LYPLAL1: variants seen among roughly 807,000 people sequenced by gnomAD.
LYPLAL1 encodes the protein lysophospholipase-like protein 1.
In LYPLAL1, 23 loss-of-function variants were observed where a neutral mutation model predicts 19.7. The observed-to-expected ratio is 1.17, with a 90% CI of 0.84 to 1.65. The LOEUF is 1.65. Among genes scored for constraint, LYPLAL1 ranks in the 40% most tolerant of loss-of-function variants. The probability of loss-of-function intolerance (pLI) is 0.00; values close to 1 mark genes in which losing one functional copy is unlikely to be tolerated. For synonymous variants in LYPLAL1, 119 were observed against 96.3 expected, an observed-to-expected ratio of 1.24 and a Z score of -1.38; for missense variants, 355 against 279.4, an observed-to-expected ratio of 1.27 and a Z score of -1.93.
the LYPLAL1 span, among the ~76,000 whole-genome samples, chr1:219,394,049 C>T: frequency 1.3e-5 from 2 of 151,688 alleles, no homozygotes. Flanking sequence ...CTACATTTCT[C>T]ATGAAAATTT....
chr1:219,229,351 C>G, the LYPLAL1 span, among the ~76,000 whole-genome samples: 2 of 146,934 alleles, frequency 1.4e-5, no homozygotes, highest in African/African-American at 5.2e-5. Flanking sequence ...CGCAGGCTAC[C>G]GAACAGCAGA....
At chr1:219,194,908 G>A (rs77812266) in intron 3 of LYPLAL1, among the ~76,000 whole-genome samples, 68 of 152,144 alleles carry the variant, frequency 4.5e-4, no homozygotes, top group African/African-American at 1.6e-3. Flanking sequence ...AATGCTTTTT[G>A]TTTTTGTCTG....
the LYPLAL1 span, among the ~76,000 whole-genome samples, chr1:219,252,582 A>T: frequency 6.6e-6 from 1 of 152,140 alleles, no homozygotes; most frequent in African/African-American, 2.4e-5. Context: ...GTGATGAATC[A>T]CATTTATTGA....
At chr1:219,390,145 C>G in the LYPLAL1 span, among the ~76,000 whole-genome samples, 2 of 152,140 alleles carry the variant, frequency 1.3e-5, no homozygotes, top group Non-Finnish European at 2.9e-5. Context: ...AAAATACTGA[C>G]TACACTGTGT....
the LYPLAL1 span, among the ~76,000 whole-genome samples, chr1:219,282,027 G>A: frequency 6.6e-6 from 1 of 152,088 alleles, no homozygotes; most frequent in Admixed American, 6.6e-5. Context: ...CATGAGCATG[G>A]AGACCAAACC....
the LYPLAL1 span, among the ~76,000 whole-genome samples, chr1:219,365,750 C>T: frequency 6.6e-6 from 1 of 152,130 alleles, no homozygotes; most frequent in Non-Finnish European, 1.5e-5. Flanking sequence ...ATATGGGAAT[C>T]GGGTCCAACA....
the LYPLAL1 span, among the ~76,000 whole-genome samples, chr1:219,421,529 C>T: frequency 6.6e-6 from 1 of 152,156 alleles, no homozygotes; most frequent in Non-Finnish European, 1.5e-5. Flanking sequence ...TGAAAGTGAG[C>T]AATGCTTATG....
At chr1:219,405,932 A>G in the LYPLAL1 span, among the ~76,000 whole-genome samples, 3 of 152,316 alleles carry the variant, frequency 2.0e-5, no homozygotes, top group South Asian at 2.1e-4. Flanking sequence ...GGTGTTTGGT[A>G]TACTGGGTTG....
the LYPLAL1 span, among the ~76,000 whole-genome samples, chr1:219,274,113 G>C: frequency 6.6e-6 from 1 of 152,204 alleles, no homozygotes; most frequent in Non-Finnish European, 1.5e-5. Context: ...GGAATGAAGA[G>C]AAACTTGCGT....
At chr1:219,369,905 G>A in the LYPLAL1 span, among the ~76,000 whole-genome samples, 13 of 152,334 alleles carry the variant, frequency 8.5e-5, no homozygotes, top group East Asian at 2.5e-3. Context: ...ATAATGCTGT[G>A]CAAACTTCTC....
chr1:219,250,138 TAA>T, the LYPLAL1 span, among the ~76,000 whole-genome samples: 1 of 152,052 alleles, frequency 6.6e-6, no homozygotes, highest in African/African-American at 2.4e-5. Context: ...CTTCTGTGTT[TAA>T]AAGCTTAAGT....
At chr1:219,365,827 T>C in the LYPLAL1 span, among the ~76,000 whole-genome samples, 1 of 152,172 alleles carries the variant, frequency 6.6e-6, no homozygotes, top group Admixed American at 6.6e-5. Flanking sequence ...CTGTTAGCTT[T>C]GTCTTTATGG....
the LYPLAL1 span, among the ~76,000 whole-genome samples, chr1:219,252,393 T>C: frequency 6.6e-6 from 1 of 152,116 alleles, no homozygotes; most frequent in Non-Finnish European, 1.5e-5. Flanking sequence ...CTTTTGCCCA[T>C]TCAGTATAAT....
chr1:219,179,166 A>G lies in LYPLAL1; in HGVS notation c.111A>G (p.Leu37=), dbSNP rs1214843027. Residue 37 remains leucine, a synonymous_variant, in exon 2 of 5, where the codon TTA becomes TTG. Coordinates refer to ENST00000366928, the MANE Select transcript of LYPLAL1 (RefSeq NM_138794.5). The stretch of plus-strand genomic sequence containing the variant: ...CATCAGGTGATTCTGGACAAGGATT[A>G]AGAATGTGGATCAAGCAGGTTTTAA... ...LHGSGDSGQG[L]RMWIKQVLNQ... 1 of 1,611,434 alleles carries G rather than the reference A, an allele frequency of 6.2e-7. No individual in the cohort carries two copies. Among genetic ancestry groups the G allele is most frequent in the Non-Finnish European group, 8.5e-7 (1 of 1,178,842 alleles).
the LYPLAL1 span, among the ~76,000 whole-genome samples, chr1:219,402,345 G>T: frequency 1.3e-5 from 2 of 152,004 alleles, no homozygotes; most frequent in Non-Finnish European, 2.9e-5. Context: ...AAAGTAAATT[G>T]CCCACCATTT....
At chr1:219,208,060 A>C (rs1246166885) in intron 3 of LYPLAL1, among the ~76,000 whole-genome samples, 1 of 152,024 alleles carries the variant, frequency 6.6e-6, no homozygotes, top group African/African-American at 2.4e-5. Flanking sequence ...TTTGATTTTA[A>C]GCAACCTGAA....
chr1:219,213,587 CT>C (rs1659183025), downstream of LYPLAL1, among the ~76,000 whole-genome samples: 1 of 151,898 alleles, frequency 6.6e-6, no homozygotes, highest in Non-Finnish European at 1.5e-5. Flanking sequence ...TACTTGATTT[CT>C]TTTATCAGCG....
chr1:219,185,259 T>C (rs954046797), intron 2 of LYPLAL1, among the ~76,000 whole-genome samples: 1 of 151,882 alleles, frequency 6.6e-6, no homozygotes, highest in African/African-American at 2.4e-5. Context: ...TCATTGCTGG[T>C]AATAATTTGT....
At chr1:219,301,767 C>T in the LYPLAL1 span, among the ~76,000 whole-genome samples, 1 of 151,842 alleles carries the variant, frequency 6.6e-6, no homozygotes, top group Non-Finnish European at 1.5e-5. Context: ...TTTTAACTAA[C>T]AGTTATTTTT....
Sources: allele counts gnomAD v4.1 joint callset (sites outside exome capture counted in the v4.1 genomes callset), GRCh38; gene constraint gnomAD v4.1.1; transcripts MANE v1.5; gene names NCBI Gene and HGNC (gene_info 2026-07-23, HGNC 2026-07-21).